GABRG1: variants seen among roughly 807,000 people sequenced by gnomAD.
GABRG1 encodes the protein gamma-aminobutyric acid type A receptor subunit gamma1, also known as gamma-aminobutyric acid receptor subunit gamma-1.
In GABRG1, 49 loss-of-function variants were observed where a neutral mutation model predicts 49.8. The observed-to-expected ratio is 0.98, with a 90% confidence interval of 0.78 to 1.25. The LOEUF is 1.25. GABRG1 is among the 50% of genes most tolerant of loss of function. The pLI is 0.00. For synonymous variants in GABRG1, 232 were observed against 185.1 expected, an observed-to-expected ratio of 1.25 and a Z score of -2.06; for missense variants, 552 against 552.3, an observed-to-expected ratio of 1.00 and a Z score of 0.01.
At chr4:46,062,535 C>G (rs1421951780) in intron 5 of GABRG1, among the ~76,000 whole-genome samples, 6 of 152,276 alleles carry the variant, frequency 3.9e-5, no homozygotes, top group Admixed American at 6.5e-5. Flanking sequence ...TCTCCAGCAC[C>G]TGTTGTTTCC....
chr4:46,063,914 A>C (rs1350959107), intron 5 of GABRG1, among the ~76,000 whole-genome samples: 2 of 152,136 alleles, frequency 1.3e-5, no homozygotes, highest in Admixed American at 1.3e-4. Flanking sequence ...TTCACCTCTA[A>C]CCACTTCTCT....
intron 1 of GABRG1, among the ~76,000 whole-genome samples, chr4:46,113,177 A>G (rs1720775968): frequency 6.6e-6 from 1 of 151,078 alleles, no homozygotes. Context: ...GTCCATTTTT[A>G]TACTGCTATA....
At chr4:46,058,196 G>C (rs1402562344) in intron 7 of GABRG1, 21 bp downstream of exon 7, 2 of 1,594,068 alleles carry the variant, frequency 1.3e-6, no homozygotes, top group East Asian at 4.5e-5. Flanking sequence ...TGGCATTATA[G>C]CATAATATTA....
chr4:46,092,217 A>T lies in GABRG1; in HGVS notation c.253+4984T>A, dbSNP rs573125092. ...AAGAAAGGAATTAACACCAGAAATG[A>T]TAATTTATTGGTATAAGTTAATTGC... On this transcript the variant is annotated intron_variant, in intron 2 of 8. Transcript: ENST00000295452. 2.6e-5 allele frequency among the ~76,000 whole-genome samples: 4 copies of T among 152,214 alleles called. No individual in the cohort carries two copies. In the East Asian group the frequency reaches 5.8e-4, roughly 22 times the overall value.
chr4:46,058,365 A>C lies in GABRG1; in HGVS notation c.768T>G (p.Asp256Glu). The change falls in exon 7 of 9, where the codon GAT (aspartate) becomes GAG (glutamate). Residue 256 changes from aspartate to glutamate, a missense_variant. Asp to Glu is a conservative substitution (Grantham distance 45, BLOSUM62 2). Coordinates refer to ENST00000295452, the MANE Select transcript of GABRG1 (RefSeq NM_173536.4). ...STEITHTISG[D>E]YVIMTIFFDL... ...CAAAAAAAATTGTCATGATAACATA[A>C]TCCCCTGTAAGAAAAAAAAGTTTTA... 6.2e-7 allele frequency: 1 copy of C among 1,605,010 alleles called. No individual in the cohort carries two copies. The highest frequency in any genetic ancestry group is 1.3e-5 in the African/African-American group (1 of 74,346).
At chr4:46,076,951 T>G (rs1250289214) in intron 3 of GABRG1, among the ~76,000 whole-genome samples, 1 of 151,622 alleles carries the variant, frequency 6.6e-6, no homozygotes, top group Non-Finnish European at 1.5e-5. Context: ...ATAATAATAT[T>G]ACTCTTAATT....
chr4:46,091,888 G>T (rs1560367536), intron 2 of GABRG1, among the ~76,000 whole-genome samples: 1 of 151,878 alleles, frequency 6.6e-6, no homozygotes, highest in East Asian at 1.9e-4. Flanking sequence ...AAATAAAATG[G>T]TAGAAAATCA....
rs1018807277 is a variant in GABRG1 at position 46,123,933 on chromosome 4, G to A, written c.-20C>T. ...ACCCATCGGAATCGCTTTTTTACGTGTGCTGCACTAGCTCAATTCTCCCAG... is the reference window on the plus strand; with the variant it reads ...ACCCATCGGAATCGCTTTTTTACGTATGCTGCACTAGCTCAATTCTCCCAG... On this transcript the variant is annotated 5_prime_UTR_variant, in exon 1 of 9. Coordinates refer to ENST00000295452, the MANE Select transcript of GABRG1 (RefSeq NM_173536.4). 6.4e-7 allele frequency: 1 copy of A among 1,567,722 alleles called. No individual in the cohort carries two copies. Among genetic ancestry groups the A allele is most frequent in the Admixed American group, 1.7e-5 (1 of 59,768 alleles).
intron 3 of GABRG1, among the ~76,000 whole-genome samples, chr4:46,075,714 A>T (rs1719301682): frequency 1.3e-5 from 2 of 152,108 alleles, no homozygotes; most frequent in Non-Finnish European, 2.9e-5. Flanking sequence ...AGAAGAAAGA[A>T]AGAAAGGTCC....
rs951616579 is a variant in GABRG1, at chr4:46,037,240, A to T, written c.*3748T>A. On this transcript the variant is annotated 3_prime_UTR_variant, in exon 9 of 9. Transcript: ENST00000295452. Reference sequence around the variant, plus strand: ...GCTGCATATATATTTGAATGAGGTTACCTCACTTCCGAAATGCAAACACAA... The same window carrying T: ...GCTGCATATATATTTGAATGAGGTTTCCTCACTTCCGAAATGCAAACACAA... 1 of 151,870 alleles carries T rather than the reference A, an allele frequency of 6.6e-6. No individual in the cohort carries two copies. The highest frequency in any genetic ancestry group is 6.6e-5 in the Admixed American group (1 of 15,190). The allele number at this position is 151,870 out of a possible 1,614,324, so 9.4% of individuals were successfully genotyped here.
At chr4:46,096,679 A>G (rs1720173146) in intron 2 of GABRG1, among the ~76,000 whole-genome samples, 2 of 150,768 alleles carry the variant, frequency 1.3e-5, no homozygotes, top group South Asian at 2.1e-4. Context: ...GCAAAATAGA[A>G]GAGAAGGTAA....
At position 46,040,791 on chromosome 4, in the gene GABRG1, A is replaced by G. The variant is rs947851670; in HGVS notation, c.*197T>C. On this transcript the variant is annotated 3_prime_UTR_variant, in exon 9 of 9. Transcript: ENST00000295452. Reference sequence around the variant, plus strand: ...GTATTTTAACCTACTGGATTTTGCAACTAATCAGTTTCACGTAAATTAGCC... The same window carrying G: ...GTATTTTAACCTACTGGATTTTGCAGCTAATCAGTTTCACGTAAATTAGCC... The G allele has an allele frequency of 3.1e-5, 14 of 448,964 alleles. No individual in the cohort carries two copies. The highest frequency in any genetic ancestry group is 2.4e-4 in the Admixed American group (6 of 25,066). The allele number at this position is 448,964 out of a possible 1,614,324, so 27.8% of individuals were successfully genotyped here. A position where few individuals can be genotyped will look rare whatever the true frequency, so the allele number is the denominator to read the frequency against.
chr4:46,116,713 C>G (rs1720898727), intron 1 of GABRG1, among the ~76,000 whole-genome samples: 1 of 150,744 alleles, frequency 6.6e-6, no homozygotes, highest in Non-Finnish European at 1.5e-5. Flanking sequence ...GCAAAACAGT[C>G]TAGTCTACTC....
intron 7 of GABRG1, among the ~76,000 whole-genome samples, chr4:46,057,382 C>T (rs1276432654): frequency 1.3e-5 from 2 of 152,120 alleles, no homozygotes; most frequent in East Asian, 1.9e-4. Context: ...AACTGTCTCA[C>T]CTTTCTTTAC....
At position 46,051,487 on chromosome 4, in the gene GABRG1, A is replaced by G. The variant is rs759227396; in HGVS notation, c.1068T>C (p.Tyr356=). 6 of 1,611,194 alleles carry G rather than the reference A, an allele frequency of 3.7e-6. No individual in the cohort carries two copies. Among genetic ancestry groups the G allele is most frequent in the Non-Finnish European group, 5.1e-6 (6 of 1,178,338 alleles). The change falls in exon 8 of 9, where the codon TAT becomes TAC. Residue 356 remains tyrosine (Y), a synonymous_variant. Coordinates refer to ENST00000295452, the MANE Select transcript of GABRG1 (RefSeq NM_173536.4). ...AALMEYGTLH[Y]FTSNQKGKTA... ...TCTTTCCTTTTTGGTTGCTGGTAAA[A>G]TAATGCAAGGTTCCATATTCCATCA...
At position 46,058,098 on chromosome 4, in the gene GABRG1, T is replaced by C. The variant is rs894444592; in HGVS notation, c.916+119A>G. On this transcript the variant is annotated intron_variant, in intron 7 of 8. Coordinates refer to ENST00000295452, the MANE Select transcript of GABRG1 (RefSeq NM_173536.4). Reference sequence around the variant, plus strand: ...GGTATTGTCCCTTAGTTCCTGTCAATTTTTTTCCTGACTGTAGTCTAGAAG... The same window carrying C: ...GGTATTGTCCCTTAGTTCCTGTCAACTTTTTTCCTGACTGTAGTCTAGAAG... The C allele has an allele frequency of 8.8e-6, 8 of 904,016 alleles. No homozygotes were observed. In the South Asian group the frequency reaches 1.5e-4, roughly 17 times the overall value. 56.0% of individuals were successfully genotyped at this position (904,016 alleles called of 1,614,324 possible). A position where few individuals can be genotyped will look rare whatever the true frequency, so the allele number is the denominator to read the frequency against.
At chr4:46,103,579 A>T (rs955617462) in intron 1 of GABRG1, among the ~76,000 whole-genome samples, 3 of 151,558 alleles carry the variant, frequency 2.0e-5, no homozygotes, top group African/African-American at 7.3e-5. Flanking sequence ...TAATCAGTGA[A>T]TTAATATAAA....
At position 46,039,335 on chromosome 4, in the gene GABRG1, A is replaced by G. The variant is rs756073468; in HGVS notation, c.*1653T>C. Reference sequence around the variant, plus strand: ...AGTTTATGAGCAAGTGAAAAAAAAAATAGAGTTAGCTGGGAACACACAGTA... The same window carrying G: ...AGTTTATGAGCAAGTGAAAAAAAAAGTAGAGTTAGCTGGGAACACACAGTA... On this transcript the variant is annotated 3_prime_UTR_variant, in exon 9 of 9. Coordinates refer to ENST00000295452, the MANE Select transcript of GABRG1 (RefSeq NM_173536.4). 42 of 151,816 alleles carry G rather than the reference A, an allele frequency of 2.8e-4. No individual in the cohort carries two copies. The highest frequency in any genetic ancestry group is 5.3e-4 in the Non-Finnish European group (36 of 67,744). 9.4% of individuals were successfully genotyped at this position (151,816 alleles called of 1,614,324 possible). A position where few individuals can be genotyped will look rare whatever the true frequency, so the allele number is the denominator to read the frequency against.
chr4:46,096,379 A>G (rs919389038), intron 2 of GABRG1, among the ~76,000 whole-genome samples: 1 of 151,614 alleles, frequency 6.6e-6, no homozygotes, highest in African/African-American at 2.4e-5. Context: ...ACGAAGGTAA[A>G]ACTAGAACAA....
Sources: allele counts gnomAD v4.1 joint callset (sites outside exome capture counted in the v4.1 genomes callset), GRCh38; gene constraint gnomAD v4.1.1; transcripts MANE v1.5; gene names NCBI Gene and HGNC (gene_info 2026-07-23, HGNC 2026-07-21).